SLC13A5: variants seen among roughly 807,000 people sequenced by gnomAD.
SLC13A5 encodes solute carrier family 13 member 5.
Under a neutral mutation model 56.5 loss-of-function variants are expected in SLC13A5, and 25 were observed. The ratio of observed to expected loss-of-function variants is 0.44; its 90% CI spans 0.32 to 0.62. The LOEUF is 0.62. Among genes scored for constraint, SLC13A5 ranks in the 20% least tolerant of loss-of-function variants. The probability of loss-of-function intolerance (pLI) is 0.04; values close to 1 mark genes in which losing one functional copy is unlikely to be tolerated. For missense variants in SLC13A5, 649 were observed against 737.8 expected (o/e 0.88, Z 1.39); for synonymous variants, 307 against 301.5 (o/e 1.02, Z -0.19).
Position 6,692,968 on chromosome 17 carries a change from G to A in SLC13A5, c.1275+76C>T. The A allele has an allele frequency of 3.7e-6, 4 of 1,092,194 alleles. No individual in the cohort carries two copies. The South Asian group carries it at 5.0e-5, about 14-fold the overall frequency. The allele number at this position is 1,092,194 out of a possible 1,614,324, so 67.7% of individuals were successfully genotyped here. A position where few individuals can be genotyped will look rare whatever the true frequency, so the allele number is the denominator to read the frequency against. On this transcript the variant is annotated intron_variant, in intron 9 of 11. Coordinates refer to ENST00000433363, the MANE Select transcript of SLC13A5 (RefSeq NM_177550.5). This position sits in a 1 kb window ranked among gnomAD's most constrained non-coding sequence, Gnocchi z 5.5. The stretch of plus-strand genomic sequence containing the variant: ...GCAGGCACAGAAACACACAAGCCCA[G>A]GGATGGAAGGGTGGAGAAACGCCAC...
intron 3 of SLC13A5, chr17:6,704,597 C>T (rs554481622): frequency 2.4e-5 from 6 of 251,516 alleles, no homozygotes; most frequent in African/African-American, 8.8e-5. Context: ...ACTATTCTCC[C>T]GGCTGCCACT....
chr17:6,703,046 A>G lies in SLC13A5; in HGVS notation c.640T>C (p.Tyr214His). The change falls in exon 5 of 12, where the codon TAC becomes CAC. Residue 214 changes from tyrosine to histidine, a missense_variant. By Grantham distance (83) the Tyr-to-His change is moderately conservative. Coordinates refer to ENST00000433363, the MANE Select transcript of SLC13A5 (RefSeq NM_177550.5). ...LCKAMTLCIC[Y>H]AASIGGTATL... ...GCGGTGCCCCCGATGCTGGCCGCGT[A>G]GCAGATGCACAGGGTCATGGCCTTA... is the stretch of plus-strand genomic sequence containing the variant. 6.2e-7 allele frequency: 1 copy of G among 1,614,230 alleles called. No individual in the cohort carries two copies. Among genetic ancestry groups the G allele is most frequent in the East Asian group, 2.2e-5 (1 of 44,886 alleles).
chr17:6,686,361 A>G, intron 11 of SLC13A5, 23 bp from the exon 12 acceptor site: 7 of 1,613,740 alleles, frequency 4.3e-6, no homozygotes, highest in Non-Finnish European at 5.9e-6. Flanking sequence ...CAGAGTCAGC[A>G]CCCTGAGGCC....
At chr17:6,691,059 C>A in intron 9 of SLC13A5, 119 bp from the exon 10 acceptor site, 1 of 1,086,194 alleles carries the variant, frequency 9.2e-7, no homozygotes, top group South Asian at 1.6e-5. Flanking sequence ...TCATAGGTGA[C>A]CTCATCCATT....
chr17:6,693,990 T>A (rs1973487265), intron 8 of SLC13A5, 107 bp downstream of exon 8: 2 of 565,378 alleles, frequency 3.5e-6, no homozygotes, highest in East Asian at 6.6e-5. Flanking sequence ...CCAATCCTCT[T>A]GGATATGATG....
chr17:6,710,101 T>A (rs2151502057), intron 1 of SLC13A5, among the ~76,000 whole-genome samples: 1 of 152,264 alleles, frequency 6.6e-6, no homozygotes, highest in Admixed American at 6.5e-5. Flanking sequence ...ACCAGACAGA[T>A]ATGATTGGCG....
intron 6 of SLC13A5, among the ~76,000 whole-genome samples, chr17:6,696,604 C>T (rs1973567729): frequency 1.3e-5 from 2 of 151,918 alleles, no homozygotes; most frequent in Admixed American, 1.3e-4. Flanking sequence ...GTGGCGTTGG[C>T]ATGAGGAGGC....
chr17:6,706,901 C>G, intron 2 of SLC13A5, 123 bp from the exon 3 acceptor site: 1 of 1,558,898 alleles, frequency 6.4e-7, no homozygotes, highest in Non-Finnish European at 8.7e-7. Context: ...TGGTGTCTCC[C>G]TGCCAGGGAG....
At chr17:6,694,816 C>G (rs1371972964) in intron 7 of SLC13A5, among the ~76,000 whole-genome samples, 1 of 152,182 alleles carries the variant, frequency 6.6e-6, no homozygotes. Flanking sequence ...ACCATGAAGA[C>G]TTTGGTGCTG....
chr17:6,695,726 T>G lies in SLC13A5; in HGVS notation c.1055A>C (p.Lys352Thr). The change falls in exon 7 of 12, where the codon AAG becomes ACG. Residue 352 changes from lysine (K) to threonine (T), a missense_variant and splice_region_variant. Transcript: ENST00000433363. Reference protein sequence around the residue: ...LTVAWVEGETKYVSDATVAIF... With the variant: ...LTVAWVEGETTYVSDATVAIF... ...GATTTCTATTGAATCCAAGACTTAC[T>G]TTGTCTCACCCTCCACCCAGGCAAC... 6.2e-7 allele frequency: 1 copy of G among 1,614,066 alleles called. No individual in the cohort carries two copies. The highest frequency in any genetic ancestry group is 8.5e-7 in the Non-Finnish European group (1 of 1,179,994).
intron 1 of SLC13A5, among the ~76,000 whole-genome samples, chr17:6,709,207 A>T: frequency 6.6e-6 from 1 of 151,756 alleles, no homozygotes. Flanking sequence ...AGCATCCAGA[A>T]CAGGCCCAAC....
chr17:6,696,012 A>G lies in SLC13A5; in HGVS notation c.840-71T>C, dbSNP rs1415515748. The G allele has an allele frequency of 5.0e-6, 7 of 1,394,282 alleles. No homozygotes were observed. The East Asian group carries it at 1.1e-4, about 23-fold the overall frequency. 86.4% of individuals were successfully genotyped at this position (1,394,282 alleles called of 1,614,324 possible). Reference sequence around the variant, plus strand: ...TCAGGTGCTGGTCAGATGGAGCCTAAATGTTCTACAGCAGAATGTAGCAAA... The same window carrying G: ...TCAGGTGCTGGTCAGATGGAGCCTAGATGTTCTACAGCAGAATGTAGCAAA... On this transcript the variant is annotated intron_variant, in intron 6 of 11. Coordinates refer to ENST00000433363, the MANE Select transcript of SLC13A5 (RefSeq NM_177550.5).
intron 6 of SLC13A5, among the ~76,000 whole-genome samples, chr17:6,698,153 G>C (rs1239447197): frequency 1.3e-5 from 2 of 152,248 alleles, no homozygotes; most frequent in Admixed American, 6.5e-5. Flanking sequence ...GCTGCCGTGA[G>C]CTACCCCGGC....
At chr17:6,706,121 T>A (rs1052587299) in intron 3 of SLC13A5, among the ~76,000 whole-genome samples, 3 of 152,170 alleles carry the variant, frequency 2.0e-5, no homozygotes, top group African/African-American at 7.2e-5. Flanking sequence ...TAGCTGGAAA[T>A]GGCTAGCTAG....
rs1973710577 is a variant in SLC13A5, at chr17:6,701,466, C to T, written c.717-340G>A. On this transcript the variant is annotated intron_variant, in intron 5 of 11. Coordinates refer to ENST00000433363, the MANE Select transcript of SLC13A5 (RefSeq NM_177550.5). The surrounding 1 kb of genome is among the most constrained non-coding windows in gnomAD (Gnocchi z 4.1). ...GGGGCTCACGCCTGTAATTCCAGGA[C>T]TCTGGGAGGCCGAGGCAGGTGGGGC... is the stretch of plus-strand genomic sequence containing the variant. Among the ~76,000 whole-genome samples, 1 of 152,216 alleles carries T rather than the reference C, an allele frequency of 6.6e-6. No homozygotes were observed. The highest frequency in any genetic ancestry group is 2.4e-5 in the African/African-American group (1 of 41,454).
At position 6,711,064 on chromosome 17, in the gene SLC13A5, G is replaced by A. The variant is rs534693347; in HGVS notation, c.102+2168C>T. ...GGAGACAGGAAAACTGGAGACAGTC[G>A]GTGAGGAGAGAGGCCTGGGTGTTGG... On this transcript the variant is annotated intron_variant, in intron 1 of 11. Transcript: ENST00000433363. This position sits in a 1 kb window ranked among gnomAD's most constrained non-coding sequence, Gnocchi z 4.0. Among the ~76,000 whole-genome samples, 9 of 152,084 alleles carry A rather than the reference G, an allele frequency of 5.9e-5. No homozygotes were observed. In the South Asian group the frequency reaches 1.2e-3, roughly 21 times the overall value.
At chr17:6,696,557 T>C (rs1006706272) in intron 6 of SLC13A5, among the ~76,000 whole-genome samples, 2 of 151,926 alleles carry the variant, frequency 1.3e-5, no homozygotes, top group African/African-American at 4.8e-5. Flanking sequence ...GGGACCAGTG[T>C]CCATTGTCCA....
In SLC13A5 at chr17:6,686,046, G is replaced by T; in HGVS notation, c.*161C>A. The T allele has an allele frequency of 2.0e-6, 2 of 1,001,406 alleles. No homozygotes were observed. Among genetic ancestry groups the T allele is most frequent in the Non-Finnish European group, 3.0e-6 (2 of 672,926 alleles). The allele number at this position is 1,001,406 out of a possible 1,614,324, so 62.0% of individuals were successfully genotyped here. ...GCTGCCCATGACCATCTCTGCATCT[G>T]GGCTTGGAGGAAGAGGTGGCCCATT... On this transcript the variant is annotated 3_prime_UTR_variant, in exon 12 of 12. Coordinates refer to ENST00000433363, the MANE Select transcript of SLC13A5 (RefSeq NM_177550.5).
intron 5 of SLC13A5, 79 bp downstream of exon 5, chr17:6,702,891 G>T: frequency 6.5e-7 from 1 of 1,532,446 alleles, no homozygotes; most frequent in Non-Finnish European, 8.9e-7. Flanking sequence ...ACTCTGCAGA[G>T]GAGCAGAGAG....
Sources: allele counts gnomAD v4.1 joint callset (sites outside exome capture counted in the v4.1 genomes callset), GRCh38; gene constraint gnomAD v4.1.1; non-coding constraint Gnocchi (gnomAD v3.1); transcripts MANE v1.5; gene names NCBI Gene and HGNC (gene_info 2026-07-23, HGNC 2026-07-21).